The following KAT2B variants were observed in gnomAD, a reference collection of about 807,000 sequenced individuals.
The protein encoded by KAT2B is lysine acetyltransferase 2B, also known as histone acetyltransferase KAT2B.
In KAT2B, 36 loss-of-function variants were observed where a neutral mutation model predicts 105.9. That is an observed-to-expected ratio of 0.34 (90% CI 0.26 to 0.45). The LOEUF (loss-of-function observed/expected upper bound fraction) is 0.45, where lower values mean the gene tolerates loss of function less well. Ranked by LOEUF, KAT2B falls within the 20% of genes least tolerant of loss-of-function variation. The probability of loss-of-function intolerance (pLI) is 1.00; values close to 1 mark genes in which losing one functional copy is unlikely to be tolerated. For synonymous variants in KAT2B, 397 were observed against 377.9 expected (o/e 1.05, Z -0.59); for missense variants, 820 against 1,021.6 (o/e 0.80, Z 2.69).
At chr3:20,104,353 C>G in intron 5 of KAT2B, among the ~76,000 whole-genome samples, 1 of 152,216 alleles carries the variant, frequency 6.6e-6, no homozygotes, top group East Asian at 1.9e-4. Flanking sequence ...AGGTAGATGA[C>G]ACCAACCTCC....
At chr3:20,117,114 G>A (rs2125170099) in intron 7 of KAT2B, among the ~76,000 whole-genome samples, 1 of 152,266 alleles carries the variant, frequency 6.6e-6, no homozygotes, top group South Asian at 2.1e-4. Flanking sequence ...CTTGACCCTT[G>A]TTTGCTCAAA....
chr3:20,109,281 C>T (rs1699077288), intron 5 of KAT2B, among the ~76,000 whole-genome samples: 1 of 140,262 alleles, frequency 7.1e-6, no homozygotes, highest in Admixed American at 7.0e-5. Context: ...TCCCCTCAGC[C>T]CCAGATAGAT....
intron 1 of KAT2B, among the ~76,000 whole-genome samples, chr3:20,049,571 G>T (rs773728961): frequency 6.6e-6 from 1 of 152,106 alleles, no homozygotes; most frequent in Non-Finnish European, 1.5e-5. Context: ...AGAGGGGGTC[G>T]CTTTTCTTCC....
chr3:20,108,750 T>C (rs758013667), intron 5 of KAT2B, among the ~76,000 whole-genome samples: 5 of 152,184 alleles, frequency 3.3e-5, no homozygotes, highest in Non-Finnish European at 7.3e-5. Context: ...AAGTGAGTGG[T>C]GGGCGAGTGA....
chr3:20,096,131 G>A (rs933207789), intron 3 of KAT2B, among the ~76,000 whole-genome samples: 1 of 152,186 alleles, frequency 6.6e-6, no homozygotes, highest in Non-Finnish European at 1.5e-5. Flanking sequence ...AGGAGATGTA[G>A]TTGGAGGAGT....
At chr3:20,078,063 T>C (rs1305825550) in intron 2 of KAT2B, among the ~76,000 whole-genome samples, 2 of 152,080 alleles carry the variant, frequency 1.3e-5, no homozygotes. Context: ...TAGTCCCAGC[T>C]ACTCGGGAGA....
At chr3:20,115,827 A>G (rs1021409666) in intron 7 of KAT2B, among the ~76,000 whole-genome samples, 1 of 152,130 alleles carries the variant, frequency 6.6e-6, no homozygotes, top group Non-Finnish European at 1.5e-5. Flanking sequence ...TTGTTCTTAC[A>G]GTTTTGCCTT....
intron 1 of KAT2B, among the ~76,000 whole-genome samples, chr3:20,058,285 C>G (rs545854521): frequency 6.6e-6 from 1 of 151,724 alleles, no homozygotes; most frequent in African/African-American, 2.4e-5. Context: ...TGGTGAAACC[C>G]CGTCTCTATT....
At chr3:20,062,411 T>A (rs60469487) in intron 1 of KAT2B, among the ~76,000 whole-genome samples, 91,515 of 112,982 alleles carry the variant, frequency 0.81, 35,492 homozygotes, top group East Asian at 0.96. Context: ...ATATTATATA[T>A]TATATATTAT....
intron 5 of KAT2B, among the ~76,000 whole-genome samples, chr3:20,103,550 C>G (rs774185147): frequency 6.6e-6 from 1 of 152,070 alleles, no homozygotes; most frequent in Non-Finnish European, 1.5e-5. Context: ...GCTGGGACTA[C>G]AGGCACATGC....
chr3:20,079,029 T>G (rs971530249), intron 2 of KAT2B, among the ~76,000 whole-genome samples: 1 of 142,270 alleles, frequency 7.0e-6, no homozygotes, highest in African/African-American at 2.6e-5. Flanking sequence ...GATTACAGGC[T>G]TATACCACCA....
chr3:20,152,571 T>C lies in KAT2B; in HGVS notation c.*46T>C. The C allele has an allele frequency of 6.8e-7, 1 of 1,474,054 alleles. No homozygotes were observed. The highest frequency in any genetic ancestry group is 2.3e-5 in the East Asian group (1 of 44,014). The allele number at this position is 1,474,054 out of a possible 1,614,324, so 91.3% of individuals were successfully genotyped here. On this transcript the variant is annotated 3_prime_UTR_variant, in exon 18 of 18. Transcript: ENST00000263754. ...TTAGAAACTCACCAAGCAGTGTGCC[T>C]AAAGCAAGGTGGTTTAGTTTTTTAC...
At chr3:20,144,963 T>C (rs1699760381) in intron 13 of KAT2B, among the ~76,000 whole-genome samples, 1 of 151,810 alleles carries the variant, frequency 6.6e-6, no homozygotes, top group Admixed American at 6.6e-5. Flanking sequence ...GCCCAGCCCA[T>C]TTTTTGTATT....
Position 20,122,759 on chromosome 3 carries a change from G to A in KAT2B, c.1368G>A (p.Glu456=), listed in dbSNP as rs756765231. ...MGDIPMELIN[E]VMSTITDPAA... The stretch of plus-strand genomic sequence containing the variant: ...ATATTCCGATGGAATTAATCAACGA[G>A]GTTATGTCTACCATCACGGACCCTG... Residue 456 remains glutamate (E), a synonymous_variant, in exon 9 of 18, where the codon GAG becomes GAA. Transcript: ENST00000263754. The A allele has an allele frequency of 1.9e-5, 31 of 1,613,962 alleles. No individual in the cohort carries two copies. The Admixed American group carries it at 2.5e-4, about 13-fold the overall frequency.
chr3:20,088,226 G>A (rs1698655156), intron 2 of KAT2B, among the ~76,000 whole-genome samples: 1 of 152,226 alleles, frequency 6.6e-6, no homozygotes, highest in Non-Finnish European at 1.5e-5. Flanking sequence ...GAATGCAGAT[G>A]TCTTTTTGAC....
intron 13 of KAT2B, among the ~76,000 whole-genome samples, chr3:20,145,100 C>CCTCT (rs1276593615): frequency 6.6e-6 from 1 of 152,142 alleles, no homozygotes; most frequent in East Asian, 1.9e-4. Flanking sequence ...CCTGGCCAAT[C>CCTCT]CTCTGATTTT....
At chr3:20,071,616 C>T (rs1698324555) in intron 1 of KAT2B, among the ~76,000 whole-genome samples, 1 of 152,196 alleles carries the variant, frequency 6.6e-6, no homozygotes, top group African/African-American at 2.4e-5. Context: ...ACATCATGTT[C>T]ACTCTTGGCT....
chr3:20,049,722 A>G (rs1199510530), intron 1 of KAT2B, among the ~76,000 whole-genome samples: 3 of 152,224 alleles, frequency 2.0e-5, no homozygotes, highest in Non-Finnish European at 4.4e-5. Flanking sequence ...CAAAATAAGC[A>G]TTCTTTATTA....
intron 3 of KAT2B, among the ~76,000 whole-genome samples, chr3:20,096,668 A>G (rs140669287): frequency 1.6e-4 from 24 of 152,282 alleles, no homozygotes; most frequent in African/African-American, 5.3e-4. Flanking sequence ...TTTTTATATG[A>G]CAAAAACAGC....
Sources: allele counts gnomAD v4.1 joint callset (sites outside exome capture counted in the v4.1 genomes callset), GRCh38; gene constraint gnomAD v4.1.1; transcripts MANE v1.5; gene names NCBI Gene and HGNC (gene_info 2026-07-23, HGNC 2026-07-21).